The following PLEKHH3 variants were observed in gnomAD, a reference collection of about 807,000 sequenced individuals.
The protein encoded by PLEKHH3 is pleckstrin homology domain-containing family H member 3.
A neutral mutation model predicts 77.8 loss-of-function variants in PLEKHH3; 57 were observed. The observed-to-expected ratio is 0.73, with a 90% CI of 0.59 to 0.91. PLEKHH3 has a LOEUF of 0.91. Ranked by LOEUF, PLEKHH3 falls within the 40% of genes least tolerant of loss-of-function variation. The pLI is 0.00. For missense variants in PLEKHH3, 1,082 were observed against 1,091.2 expected (o/e 0.99, Z 0.12); for synonymous variants, 467 against 504.8 (o/e 0.93, Z 1.00).
In PLEKHH3 at chr17:42,670,923, C is replaced by T. The variant is rs919018673; in HGVS notation, c.1421+71G>A. 13 of 1,571,792 alleles carry T rather than the reference C, an allele frequency of 8.3e-6. No individual in the cohort carries two copies. The African/African-American group carries it at 1.8e-4, about 22-fold the overall frequency. On this transcript the variant is annotated intron_variant, in intron 9 of 12. Transcript: ENST00000591022. Reference sequence around the variant, plus strand: ...GCCAGGGGCAAGCGCTGGATAATGTCCGCTTAGAGACTGACCTCAGCTGAG... The same window carrying T: ...GCCAGGGGCAAGCGCTGGATAATGTTCGCTTAGAGACTGACCTCAGCTGAG...
rs984939304 is a variant in PLEKHH3 at position 42,676,272 on chromosome 17, A to G, written c.162+130T>C. ...AGAGCTCCCGGGGGCTTTGGCCCCCAGGCAAAAAACTCTCCCTCATCCCTA... is the reference window on the plus strand; with the variant it reads ...AGAGCTCCCGGGGGCTTTGGCCCCCGGGCAAAAAACTCTCCCTCATCCCTA... On this transcript the variant is annotated intron_variant, in intron 1 of 12. Transcript: ENST00000591022. The surrounding 1 kb of genome is among the most constrained non-coding windows in gnomAD (Gnocchi z 6.6). 2.7e-6 allele frequency: 4 copies of G among 1,464,972 alleles called. No homozygotes were observed. In the African/African-American group the frequency reaches 4.2e-5, roughly 16 times the overall value. The allele number at this position is 1,464,972 out of a possible 1,614,324, so 90.7% of individuals were successfully genotyped here.
At position 42,671,558 on chromosome 17, in the gene PLEKHH3, C is replaced by T. The variant is rs1261807350; in HGVS notation, c.1077G>A (p.Arg359=). 1.2e-6 allele frequency: 2 copies of T among 1,607,482 alleles called. No homozygotes were observed. Among genetic ancestry groups the T allele is most frequent in the South Asian group, 1.1e-5 (1 of 90,050 alleles). Residue 359 remains arginine (R), a splice_region_variant and synonymous_variant, in exon 8 of 13, where the codon AGG becomes AGA. Transcript: ENST00000591022. This position sits in a 1 kb window ranked among gnomAD's most constrained non-coding sequence, Gnocchi z 4.7. Reference sequence around the variant, plus strand: ...CCGAGTCCGGGAGTGCCTGCTCGGTCCTGGGTTAGGAGGAACCCAGGGATC... The same window carrying T: ...CCGAGTCCGGGAGTGCCTGCTCGGTTCTGGGTTAGGAGGAACCCAGGGATC... ...VRGHLLGHLE[R]TEQALPDSEL...
chr17:42,668,876 A>C (rs1231489670), intron 12 of PLEKHH3: 1 of 151,002 alleles, frequency 6.6e-6, no homozygotes, highest in Non-Finnish European at 1.5e-5. Flanking sequence ...GCCAGGCTGA[A>C]GTGCCTCGGC....
chr17:42,674,376 T>C lies in PLEKHH3; in HGVS notation c.196A>G (p.Arg66Gly), dbSNP rs1340733636. ...PLEVTLTQPV[R>G]SGPVSNRLQS... ...CACCTGTTGGAGACAGGCCCGCTCC[T>C]CACTGGCTGAGTCAGCGTCACTTCC... is the stretch of plus-strand genomic sequence containing the variant. Residue 66 changes from arginine (R) to glycine (G), a missense_variant, in exon 2 of 13, where the codon AGG becomes GGG. Arg to Gly is a moderately radical substitution (Grantham distance 125). Coordinates refer to ENST00000591022, the MANE Select transcript of PLEKHH3 (RefSeq NM_024927.5). The C allele has an allele frequency of 6.3e-7, 1 of 1,594,962 alleles. No homozygotes were observed. Among genetic ancestry groups the C allele is most frequent in the Non-Finnish European group, 8.5e-7 (1 of 1,171,112 alleles).
rs984023806 is a variant in PLEKHH3, at chr17:42,676,302, G to T, written c.162+100C>A. The T allele has an allele frequency of 2.1e-5, 33 of 1,552,082 alleles. No homozygotes were observed. Among genetic ancestry groups the T allele is most frequent in the Non-Finnish European group, 2.6e-5 (30 of 1,149,706 alleles). ...AAAAACTCTCCCTCATCCCTAGTTC[G>T]CCAAGCGCGCAGCGTGTGGCTGGAG... On this transcript the variant is annotated intron_variant, in intron 1 of 12. Coordinates refer to ENST00000591022, the MANE Select transcript of PLEKHH3 (RefSeq NM_024927.5). The surrounding 1 kb of genome is among the most constrained non-coding windows in gnomAD (Gnocchi z 6.6).
rs1415505149 is a variant in PLEKHH3 at position 42,668,209 on chromosome 17, G to A, written c.2300C>T (p.Pro767Leu). ...GCGCTGGCTGGGAGGGGAGGTGTCT[G>A]GCAGGTCTTGGCATGGAGGAGAAGA... Reference protein sequence around the residue: ...SSSSPPCQDLPDTSPPSQRPG... With the variant: ...SSSSPPCQDLLDTSPPSQRPG... The change falls in exon 13 of 13, where the codon CCA (proline) becomes CTA (leucine). Residue 767 changes from proline to leucine, a missense_variant. By Grantham distance (98) the Pro-to-Leu change is moderately conservative. Transcript: ENST00000591022. 1.3e-6 allele frequency: 2 copies of A among 1,560,936 alleles called. No homozygotes were observed. The highest frequency in any genetic ancestry group is 2.5e-5 in the East Asian group (1 of 40,178).
At chr17:42,674,048 T>C in intron 2 of PLEKHH3, 35 bp from the exon 3 acceptor site, 7 of 1,604,888 alleles carry the variant, frequency 4.4e-6, no homozygotes, top group Non-Finnish European at 6.0e-6. Flanking sequence ...GGGTCTCCAC[T>C]CTGCCTCTAG....
chr17:42,674,524 TG>T, intron 1 of PLEKHH3, 115 bp from the exon 2 acceptor site: 1 of 916,582 alleles, frequency 1.1e-6, no homozygotes. Flanking sequence ...AGTCACAGAG[TG>T]GGGTCGTGAC....
At chr17:42,672,440 G>A in intron 6 of PLEKHH3, 48 bp from the exon 7 acceptor site, 2 of 1,438,598 alleles carry the variant, frequency 1.4e-6, no homozygotes, top group Non-Finnish European at 1.8e-6. Context: ...GGGACACAGA[G>A]CTGCGCCCTG....
chr17:42,676,740 A>C lies in PLEKHH3; in HGVS notation c.-177T>G. On this transcript the variant is annotated 5_prime_UTR_variant, in exon 1 of 13. Transcript: ENST00000591022. The surrounding 1 kb of genome is among the most constrained non-coding windows in gnomAD (Gnocchi z 6.6). ...TGGGGTGCAAGGGGACGCTAGCCAGACGCTGAGGGGGGCTCAGTGTCTGGG... is the reference window on the plus strand; with the variant it reads ...TGGGGTGCAAGGGGACGCTAGCCAGCCGCTGAGGGGGGCTCAGTGTCTGGG... 1.6e-6 allele frequency: 1 copy of C among 643,974 alleles called. No individual in the cohort carries two copies. The highest frequency in any genetic ancestry group is 2.7e-6 in the Non-Finnish European group (1 of 371,836). The allele number at this position is 643,974 out of a possible 1,614,324, so 39.9% of individuals were successfully genotyped here.
At position 42,672,220 on chromosome 17, in the gene PLEKHH3, G is replaced by C. The variant is rs369583008; in HGVS notation, c.942C>G (p.Gly314=). The C allele has an allele frequency of 7.7e-5, 120 of 1,551,178 alleles. 1 individual carries two copies. In the African/African-American group the frequency reaches 1.6e-3, roughly 20 times the overall value. The change falls in exon 7 of 13, where the codon GGC becomes GGG. Residue 314 remains glycine, a synonymous_variant. Transcript: ENST00000591022. The stretch of plus-strand genomic sequence containing the variant: ...CCGGGAGCCCGGGGGGACCTGCAGG[G>C]CCCGAGGTCTGCTTAGCCAGCTGCA... The part of the protein sequence containing the change: ...LFLQLAKQTS[G]PAGPPGLPAT...
chr17:42,669,308 C>T (rs1360649828), intron 12 of PLEKHH3, 122 bp downstream of exon 12: 23 of 990,602 alleles, frequency 2.3e-5, no homozygotes, highest in Non-Finnish European at 2.9e-5. Flanking sequence ...TTCAGCTTGT[C>T]TGTGATCACT....
chr17:42,668,450 T>TAG (rs2052605197), intron 12 of PLEKHH3, 147 bp from the exon 13 acceptor site: 1 of 593,802 alleles, frequency 1.7e-6, no homozygotes, highest in Non-Finnish European at 2.6e-6. Context: ...ATCACCACTC[T>TAG]CTCCTTCATT....
chr17:42,669,679 GGGGGAGAT>G, intron 11 of PLEKHH3, 58 bp from the exon 12 acceptor site: 1 of 1,533,272 alleles, frequency 6.5e-7, no homozygotes, highest in Non-Finnish European at 8.9e-7. Context: ...ATTTTTGGTA[GGGGGAGAT>G]GGGTGTCTGT....
In PLEKHH3 at chr17:42,670,162, GC is replaced by G. The variant is rs1176587186; in HGVS notation, c.1768del (p.Ala590ArgfsTer80). Reference protein sequence around the residue: ...PPPSAALLAGALWSPGLAKRR... With the variant: ...PPPSAALLAGXLWSPGLAKRR... The stretch of plus-strand genomic sequence containing the variant: ...CTTGGCCAGGCCCGGGCTCCAGAGC[GC>G]CCCGGCCAGCAGGGCAGCGGAAGGG... On this transcript the variant is annotated frameshift_variant, in exon 11 of 13. Transcript: ENST00000591022. LOFTEE classifies it high-confidence loss of function. 6 of 1,208,844 alleles carry G rather than the reference GC, an allele frequency of 5.0e-6. No homozygotes were observed. The East Asian group carries it at 2.2e-4, about 44-fold the overall frequency. The allele number at this position is 1,208,844 out of a possible 1,614,324, so 74.9% of individuals were successfully genotyped here. A position where few individuals can be genotyped will look rare whatever the true frequency, so the allele number is the denominator to read the frequency against.
In PLEKHH3 at chr17:42,673,731, G is replaced by A. The variant is rs758578089; in HGVS notation, c.402C>T (p.Ser134=). The A allele has an allele frequency of 6.2e-7, 1 of 1,600,716 alleles. No individual in the cohort carries two copies. The highest frequency in any genetic ancestry group is 8.5e-7 in the Non-Finnish European group (1 of 1,179,782). ...LTRDSLDQFS[S]SGKGARRLGS... Reference sequence around the variant, plus strand: ...CGAGACGCCGCGCCCCTTTCCCGCTGCTGCTGAACTGATCCAGGGAGTCCC... The same window carrying A: ...CGAGACGCCGCGCCCCTTTCCCGCTACTGCTGAACTGATCCAGGGAGTCCC... The change falls in exon 4 of 13, where the codon AGC becomes AGT. Residue 134 remains serine (S), a synonymous_variant. Coordinates refer to ENST00000591022, the MANE Select transcript of PLEKHH3 (RefSeq NM_024927.5).
intron 9 of PLEKHH3, 75 bp from the exon 10 acceptor site, chr17:42,670,780 G>T (rs940531842): frequency 3.9e-6 from 6 of 1,549,506 alleles, no homozygotes; most frequent in Non-Finnish European, 2.6e-6. Context: ...GGTGGGGGCG[G>T]GGCCATGTGT....
Position 42,676,184 on chromosome 17 carries a change from T to C in PLEKHH3, c.162+218A>G, listed in dbSNP as rs1022465261. The stretch of plus-strand genomic sequence containing the variant: ...CCCCTGCCTCAGGGCCCCCAGCAGG[T>C]GGATAGCGCCCAGCCTGCAGCGGGA... On this transcript the variant is annotated intron_variant, in intron 1 of 12. Coordinates refer to ENST00000591022, the MANE Select transcript of PLEKHH3 (RefSeq NM_024927.5). This position sits in a 1 kb window ranked among gnomAD's most constrained non-coding sequence, Gnocchi z 6.6. The C allele has an allele frequency of 3.6e-6, 5 of 1,373,742 alleles. No homozygotes were observed. The African/African-American group carries it at 7.4e-5, about 20-fold the overall frequency. The allele number at this position is 1,373,742 out of a possible 1,614,324, so 85.1% of individuals were successfully genotyped here.
Position 42,673,667 on chromosome 17 carries a change from G to T in PLEKHH3, c.466C>A (p.Pro156Thr). The T allele has an allele frequency of 6.2e-7, 1 of 1,602,650 alleles. No individual in the cohort carries two copies. Among genetic ancestry groups the T allele is most frequent in the Non-Finnish European group, 8.5e-7 (1 of 1,179,892 alleles). The change falls in exon 4 of 13, where the codon CCA (proline) becomes ACA (threonine). Residue 156 changes from proline (P) to threonine (T), a missense_variant. Pro to Thr is a conservative substitution (Grantham distance 38). This residue lies in a region of PLEKHH3 where 344 missense variants were observed against 320.8 expected (regional missense o/e 1.07). Coordinates refer to ENST00000591022, the MANE Select transcript of PLEKHH3 (RefSeq NM_024927.5). ...VLTSLCSVTG[P>T]ERRRKETGLW... is the part of the protein sequence containing the mutation. ...CCTGTCTCCTTACGCCTGCGCTCTG[G>T]GCCGGTCACCGAGCACAGGCTGGTG... is the stretch of plus-strand genomic sequence containing the variant.
Sources: gnomAD v4.1 joint callset for allele counts on GRCh38, gnomAD v4.1.1 for gene constraint, gnomAD v4.1.1 regional missense constraint, Gnocchi (gnomAD v3.1) non-coding constraint, MANE v1.5 for transcripts, NCBI Gene and HGNC (gene_info 2026-07-23, HGNC 2026-07-21) for gene names.